The following CACNG2 variants were observed in gnomAD, a reference collection of about 807,000 sequenced individuals.
CACNG2 encodes the protein voltage-dependent calcium channel gamma-2 subunit.
In CACNG2, 3 loss-of-function variants were observed where a neutral mutation model predicts 25.9. The observed-to-expected ratio is 0.12, with a 90% CI of 0.05 to 0.30. The LOEUF (loss-of-function observed/expected upper bound fraction) is 0.30, where lower values mean the gene tolerates loss of function less well. Ranked by LOEUF, CACNG2 falls within the 10% of genes least tolerant of loss-of-function variation. The pLI is 1.00. For synonymous variants in CACNG2, 167 were observed against 173.3 expected, an observed-to-expected ratio of 0.96 and a Z score of 0.29; for missense variants, 341 against 432.5, an observed-to-expected ratio of 0.79 and a Z score of 1.88.
At chr22:36,665,028 A>T in intron 1 of CACNG2, among the ~76,000 whole-genome samples, 1 of 152,122 alleles carries the variant, frequency 6.6e-6, no homozygotes. Flanking sequence ...GGACCTCAGG[A>T]TGGAGGAGAG....
rs1935049838 is a variant in CACNG2, at chr22:36,562,763, T to G, written c.*1588A>C. On this transcript the variant is annotated 3_prime_UTR_variant, in exon 4 of 4. Transcript: ENST00000300105. ...GCGTGTGGGGTGTGTGGTCTCTTTC[T>G]TTGTTGGATTCTGTCTTCCCCCATT... 1 of 152,292 alleles carries G rather than the reference T, an allele frequency of 6.6e-6. No individual in the cohort carries two copies. Among genetic ancestry groups the G allele is most frequent in the African/African-American group, 2.4e-5 (1 of 41,410 alleles). 9.4% of individuals were successfully genotyped at this position (152,292 alleles called of 1,614,324 possible).
rs1035486558 is a variant in CACNG2, at chr22:36,566,381, C to A, written c.408G>T (p.Leu136=). The change falls in exon 3 of 4, where the codon CTG becomes CTT. Residue 136 remains leucine, a synonymous_variant. Coordinates refer to ENST00000300105, the MANE Select transcript of CACNG2 (RefSeq NM_006078.5). ...EFYKTRHNII[L]SAGIFFVSAG... The stretch of plus-strand genomic sequence containing the variant: ...CAGACACGAAGAAGATGCCGGCACT[C>A]AGGATGATGTTGTGTCGAGTTTTGT... 5 of 1,614,160 alleles carry A rather than the reference C, an allele frequency of 3.1e-6. No homozygotes were observed. Among genetic ancestry groups the A allele is most frequent in the Admixed American group, 3.3e-5 (2 of 60,028 alleles).
chr22:36,679,264 C>G (rs550541420), intron 1 of CACNG2, among the ~76,000 whole-genome samples: 54 of 141,316 alleles, frequency 3.8e-4, no homozygotes, highest in African/African-American at 1.5e-3. Context: ...TAAAAAAGGA[C>G]ATGTGATGAG....
chr22:36,619,391 A>G (rs1404462459), intron 1 of CACNG2, among the ~76,000 whole-genome samples: 1 of 152,250 alleles, frequency 6.6e-6, no homozygotes, highest in Non-Finnish European at 1.5e-5. Flanking sequence ...TGTCAAAATT[A>G]CCAAGGAAAT....
At chr22:36,568,981 T>G (rs867927015) in intron 2 of CACNG2, among the ~76,000 whole-genome samples, 3 of 152,082 alleles carry the variant, frequency 2.0e-5, no homozygotes, top group Non-Finnish European at 4.4e-5. Flanking sequence ...GTTCTCTCCT[T>G]GCAAATCATT....
At chr22:36,590,049 G>T (rs193192682) in intron 1 of CACNG2, among the ~76,000 whole-genome samples, 204 of 152,282 alleles carry the variant, frequency 1.3e-3, no homozygotes, top group Middle Eastern at 6.8e-3. Context: ...ATGCCCTGAG[G>T]CGTCCCACAA....
intron 1 of CACNG2, among the ~76,000 whole-genome samples, chr22:36,660,441 T>C (rs1569043893): frequency 6.6e-6 from 1 of 152,260 alleles, no homozygotes; most frequent in Non-Finnish European, 1.5e-5. Flanking sequence ...CTGCTTTCGA[T>C]TGCTGGTTTT....
intron 1 of CACNG2, among the ~76,000 whole-genome samples, chr22:36,656,922 G>C (rs765551380): frequency 5.3e-5 from 8 of 152,170 alleles, no homozygotes. Flanking sequence ...CCTATATTTT[G>C]CTTTATTTAT....
At chr22:36,678,718 G>T (rs1937047872) in intron 1 of CACNG2, among the ~76,000 whole-genome samples, 2 of 149,434 alleles carry the variant, frequency 1.3e-5, no homozygotes, top group South Asian at 2.1e-4. Flanking sequence ...CCCCACGATG[G>T]CCAGGAGCCA....
intron 1 of CACNG2, among the ~76,000 whole-genome samples, chr22:36,599,929 C>T (rs188895105): frequency 1.4e-3 from 215 of 152,286 alleles, no homozygotes; most frequent in African/African-American, 5.0e-3. Flanking sequence ...TTCCCAGCCT[C>T]GCTTGCAGCT....
chr22:36,619,469 C>G (rs770917959), intron 1 of CACNG2, among the ~76,000 whole-genome samples: 3 of 152,150 alleles, frequency 2.0e-5, no homozygotes, highest in Admixed American at 2.0e-4. Flanking sequence ...GATGTTTTGC[C>G]GAAGTGTCTA....
intron 1 of CACNG2, among the ~76,000 whole-genome samples, chr22:36,663,358 G>T (rs1936827770): frequency 6.6e-6 from 1 of 152,132 alleles, no homozygotes; most frequent in Admixed American, 6.5e-5. Flanking sequence ...CGAGGAAAGG[G>T]CCACCCCTAC....
intron 1 of CACNG2, among the ~76,000 whole-genome samples, chr22:36,610,137 C>G (rs1935915398): frequency 1.3e-5 from 2 of 149,770 alleles, no homozygotes; most frequent in South Asian, 2.1e-4. Flanking sequence ...TGTGATCCGG[C>G]AGGAATCAGT....
intron 1 of CACNG2, among the ~76,000 whole-genome samples, chr22:36,611,530 G>C (rs552776150): frequency 1.3e-5 from 2 of 152,306 alleles, no homozygotes; most frequent in South Asian, 4.1e-4. Context: ...ATCCTGGCCA[G>C]GACTGACATC....
intron 1 of CACNG2, among the ~76,000 whole-genome samples, chr22:36,608,488 T>A (rs531509949): frequency 6.6e-6 from 1 of 152,368 alleles, no homozygotes; most frequent in South Asian, 2.1e-4. Flanking sequence ...TGGGAGACTT[T>A]AAAAATCCTC....
At chr22:36,621,636 G>C (rs5750279) in intron 1 of CACNG2, among the ~76,000 whole-genome samples, 27,630 of 151,206 alleles carry the variant, frequency 0.18, 3,543 homozygotes, top group African/African-American at 0.36. Context: ...TACATACACA[G>C]GCACACACAC....
At chr22:36,643,189 C>CTCCTTTCTTTCTCCT (rs1936467329) in intron 1 of CACNG2, among the ~76,000 whole-genome samples, 1 of 146,522 alleles carries the variant, frequency 6.8e-6, no homozygotes, top group African/African-American at 2.5e-5. Flanking sequence ...TTCCTTCCCT[C>CTCCTTTCTTTCTCCT]TCCTTTCTTT....
At chr22:36,576,537 T>TA (rs35888972) in intron 2 of CACNG2, among the ~76,000 whole-genome samples, 85 of 146,038 alleles carry the variant, frequency 5.8e-4, no homozygotes, top group African/African-American at 1.3e-3. Context: ...AATAAAAAAT[T>TA]AAAAAAAAAA....
At chr22:36,601,130 A>G (rs953099644) in intron 1 of CACNG2, among the ~76,000 whole-genome samples, 4 of 151,946 alleles carry the variant, frequency 2.6e-5, no homozygotes, top group African/African-American at 9.7e-5. Context: ...CCTTTGACCT[A>G]TATCTCTCCA....
Sources: gnomAD v4.1 joint callset for allele counts (sites outside exome capture counted in the v4.1 genomes callset) on GRCh38, gnomAD v4.1.1 for gene constraint, MANE v1.5 for transcripts, NCBI Gene and HGNC (gene_info 2026-07-23, HGNC 2026-07-21) for gene names.